Variants in ITGB6 observed in about 807,000 individuals in gnomAD.
The protein encoded by ITGB6 is integrin beta-6.
ITGB6 carries 80 observed loss-of-function variants against 84.5 expected under a neutral mutation model. That is an observed-to-expected ratio of 0.95 (90% confidence interval 0.79 to 1.14). The LOEUF (loss-of-function observed/expected upper bound fraction) is 1.14. Ranked by LOEUF, ITGB6 falls within the 50% of genes most tolerant of loss-of-function variation. ITGB6 has a pLI of 0.00. For synonymous variants in ITGB6, 383 were observed against 354.9 expected, an observed-to-expected ratio of 1.08 and a Z score of -0.89; for missense variants, 1,006 against 968.0, an observed-to-expected ratio of 1.04 and a Z score of -0.52.
intron 4 of ITGB6, among the ~76,000 whole-genome samples, chr2:160,191,243 A>G (rs1470568670): frequency 6.6e-6 from 1 of 152,120 alleles, no homozygotes; most frequent in African/African-American, 2.4e-5. Flanking sequence ...CTTTATAGAA[A>G]TCTATGTATT....
chr2:160,108,254 T>TGTGC (rs931322646), intron 13 of ITGB6, among the ~76,000 whole-genome samples: 23 of 150,908 alleles, frequency 1.5e-4, no homozygotes, highest in South Asian at 6.3e-4. Flanking sequence ...TGTGTGTGTG[T>TGTGC]GCTGCATGTC....
chr2:160,177,258 T>G (rs553544443), intron 4 of ITGB6, among the ~76,000 whole-genome samples: 1 of 152,320 alleles, frequency 6.6e-6, no homozygotes, highest in South Asian at 2.1e-4. Context: ...ACATTTCTTA[T>G]TCTAATTTAA....
Position 160,196,292 on chromosome 2 carries a change from G to A in ITGB6, c.270C>T (p.Leu90=), listed in dbSNP as rs367963732. 1.1e-5 allele frequency: 17 copies of A among 1,613,910 alleles called. No homozygotes were observed. Among genetic ancestry groups the A allele is most frequent in the Middle Eastern group, 3.3e-4 (2 of 6,080 alleles). Residue 90 remains leucine (L), a synonymous_variant, in exon 3 of 15, where the codon CTC becomes CTT. Coordinates refer to ENST00000283249, the MANE Select transcript of ITGB6 (RefSeq NM_000888.5). ...SQVEILKNKP[L]SVGRQKNSSD... ...AACTATTTTTCTGTCTGCCTACACT[G>A]AGAGGCTTATTTTTAAGTATTTCTA...
chr2:160,147,542 A>G (rs1202277735), intron 7 of ITGB6, among the ~76,000 whole-genome samples: 1 of 152,250 alleles, frequency 6.6e-6, no homozygotes, highest in Non-Finnish European at 1.5e-5. Context: ...CTGAAGATGA[A>G]CAAAGTTGGA....
intron 7 of ITGB6, among the ~76,000 whole-genome samples, chr2:160,153,009 T>C (rs543180300): frequency 5.3e-5 from 8 of 152,336 alleles, no homozygotes; most frequent in Admixed American, 2.6e-4. Context: ...ATGGTCATAC[T>C]GCCCAAGGTA....
chr2:160,135,222 T>G (rs2105814256), intron 10 of ITGB6, among the ~76,000 whole-genome samples: 1 of 151,914 alleles, frequency 6.6e-6, no homozygotes, highest in East Asian at 1.9e-4. Flanking sequence ...GGATACAAAA[T>G]CAATGTACAA....
At chr2:160,196,695 CTG>C (rs373079068) in intron 2 of ITGB6, among the ~76,000 whole-genome samples, 2 of 149,434 alleles carry the variant, frequency 1.3e-5, no homozygotes, top group South Asian at 2.2e-4. Flanking sequence ...GTGTGTGTGT[CTG>C]TGTGTGTGTG....
chr2:160,150,768 A>C (rs1433137352), intron 7 of ITGB6, among the ~76,000 whole-genome samples: 1 of 152,136 alleles, frequency 6.6e-6, no homozygotes, highest in Non-Finnish European at 1.5e-5. Context: ...AGATCTACAA[A>C]GCAAATGGAA....
intron 1 of ITGB6, among the ~76,000 whole-genome samples, chr2:160,199,645 A>G (rs546625984): frequency 6.6e-6 from 1 of 152,320 alleles, no homozygotes; most frequent in South Asian, 2.1e-4. Context: ...TTTTTGAAAT[A>G]AATCCTCTTT....
intron 7 of ITGB6, among the ~76,000 whole-genome samples, chr2:160,165,091 ATGGAGATGTC>A (rs1559180738): frequency 6.6e-6 from 1 of 152,250 alleles, no homozygotes; most frequent in East Asian, 1.9e-4. Flanking sequence ...TATTACCTCC[ATGGAGATGTC>A]TCATAATCCA....
At chr2:160,114,719 A>C (rs1212485761) in intron 12 of ITGB6, among the ~76,000 whole-genome samples, 2 of 152,176 alleles carry the variant, frequency 1.3e-5, no homozygotes, top group Non-Finnish European at 2.9e-5. Context: ...CTCACTCGGG[A>C]AGCACAAGGG....
intron 4 of ITGB6, among the ~76,000 whole-genome samples, chr2:160,191,483 TA>T (rs869080703): frequency 6.6e-6 from 1 of 152,138 alleles, no homozygotes; most frequent in African/African-American, 2.4e-5. Flanking sequence ...ATAATTTTTT[TA>T]AAAAAACTTA....
intron 10 of ITGB6, among the ~76,000 whole-genome samples, chr2:160,127,406 TC>T (rs1683282819): frequency 6.6e-6 from 1 of 152,206 alleles, no homozygotes; most frequent in South Asian, 2.1e-4. Context: ...TGATTCCAGG[TC>T]TTTAGATAGA....
chr2:160,152,656 T>G (rs138470635), intron 7 of ITGB6, among the ~76,000 whole-genome samples: 50,046 of 151,932 alleles, frequency 0.33, 8,595 homozygotes, highest in East Asian at 0.52. Context: ...GGAAGTCAAA[T>G]TTTCCCTGTT....
rs1696653372 is a variant in ITGB6 at position 160,100,033 on chromosome 2, A to G, written c.*1703T>C. ...GGTTCTGCGCATCAGTCAGGAACAT[A>G]AAGGGTATATCAGCCCTTCGGATTT... On this transcript the variant is annotated 3_prime_UTR_variant, in exon 15 of 15. Coordinates refer to ENST00000283249, the MANE Select transcript of ITGB6 (RefSeq NM_000888.5). The G allele has an allele frequency of 6.6e-6, 1 of 152,234 alleles. No individual in the cohort carries two copies. The highest frequency in any genetic ancestry group is 2.1e-4 in the South Asian group (1 of 4,834). 9.4% of individuals were successfully genotyped at this position (152,234 alleles called of 1,614,324 possible).
In ITGB6 at chr2:160,200,043, G is replaced by A; in HGVS notation, c.21C>T (p.Cys7=). The A allele has an allele frequency of 2.5e-6, 4 of 1,613,834 alleles. No homozygotes were observed. Among genetic ancestry groups the A allele is most frequent in the Non-Finnish European group, 3.4e-6 (4 of 1,179,790 alleles). Residue 7 remains cysteine (C), a synonymous_variant, in exon 1 of 15, where the codon TGC becomes TGT. Transcript: ENST00000283249. MGIELL[C]LFFLFLGRND... ...TCCTTCCTAGAAATAGAAAGAACAG[G>A]CAAAGCAGTTCAATCCCCATTCGTT...
intron 7 of ITGB6, among the ~76,000 whole-genome samples, chr2:160,147,668 C>CTG (rs1684251258): frequency 6.6e-6 from 1 of 152,060 alleles, no homozygotes; most frequent in Admixed American, 6.6e-5. Context: ...CAGAAATAGA[C>CTG]CTACATAAAT....
intron 7 of ITGB6, among the ~76,000 whole-genome samples, chr2:160,148,261 T>G (rs1288385534): frequency 2.0e-5 from 3 of 152,190 alleles, no homozygotes; most frequent in African/African-American, 7.2e-5. Context: ...TGAAATACCT[T>G]TATGCATGTA....
intron 7 of ITGB6, among the ~76,000 whole-genome samples, chr2:160,162,047 T>C (rs1371668573): frequency 3.3e-5 from 5 of 152,208 alleles, no homozygotes; most frequent in African/African-American, 4.8e-5. Flanking sequence ...ACTATAGCTA[T>C]ACGTATCTCC....
Sources: gnomAD v4.1 joint callset for allele counts (sites outside exome capture counted in the v4.1 genomes callset) on GRCh38, gnomAD v4.1.1 for gene constraint, MANE v1.5 for transcripts, NCBI Gene and HGNC (gene_info 2026-07-23, HGNC 2026-07-21) for gene names.